SKAP1: variants seen among roughly 807,000 people sequenced by gnomAD.
SKAP1 encodes the protein src kinase associated phosphoprotein 1.
Under a neutral mutation model 58.5 loss-of-function variants are expected in SKAP1, and 44 were observed. The observed-to-expected ratio is 0.75, with a 90% confidence interval of 0.59 to 0.97. SKAP1 has a LOEUF of 0.97. Ranked by LOEUF, SKAP1 falls within the 50% of genes least tolerant of loss-of-function variation. The pLI is 0.00. For synonymous variants in SKAP1, 127 were observed against 149.7 expected (o/e 0.85, Z 1.11); for missense variants, 390 against 435.2 (o/e 0.90, Z 0.92).
At chr17:48,185,704 G>A (rs1233373683) in intron 6 of SKAP1, among the ~76,000 whole-genome samples, 1 of 152,052 alleles carries the variant, frequency 6.6e-6, no homozygotes, top group Non-Finnish European at 1.5e-5. Context: ...ATGGCAGTGC[G>A]ATGCCAATAT....
intron 4 of SKAP1, among the ~76,000 whole-genome samples, chr17:48,227,303 T>C (rs928579979): frequency 6.6e-6 from 1 of 152,190 alleles, no homozygotes; most frequent in Non-Finnish European, 1.5e-5. Flanking sequence ...CACAAAGTAG[T>C]TCTGCAATGA....
At chr17:48,176,108 A>C (rs7210671) in intron 9 of SKAP1, among the ~76,000 whole-genome samples, 24,442 of 152,192 alleles carry the variant, frequency 0.16, 2,664 homozygotes, top group African/African-American at 0.3. Flanking sequence ...AAAATTTTAA[A>C]AACTCAGTTA....
At chr17:48,337,180 G>C (rs1317875135) in intron 4 of SKAP1, among the ~76,000 whole-genome samples, 1 of 151,960 alleles carries the variant, frequency 6.6e-6, no homozygotes, top group African/African-American at 2.4e-5. Flanking sequence ...AGCTACTTAG[G>C]GCCCAACATA....
intron 4 of SKAP1, among the ~76,000 whole-genome samples, chr17:48,303,220 G>A (rs1259757443): frequency 6.6e-6 from 1 of 152,094 alleles, no homozygotes; most frequent in Non-Finnish European, 1.5e-5. Flanking sequence ...TTGCTTTCTG[G>A]TTATGCTAAG....
At chr17:48,409,867 C>T (rs1418756709) in intron 1 of SKAP1, among the ~76,000 whole-genome samples, 2 of 152,034 alleles carry the variant, frequency 1.3e-5, no homozygotes, top group Non-Finnish European at 2.9e-5. Context: ...AGCCTTAATG[C>T]CTGCAAATTT....
chr17:48,235,881 G>A (rs1448612323), intron 4 of SKAP1, among the ~76,000 whole-genome samples: 2 of 152,164 alleles, frequency 1.3e-5, no homozygotes, highest in Non-Finnish European at 2.9e-5. Context: ...TAGAAGATCT[G>A]TCTTTCCTAC....
At chr17:48,189,341 G>A in intron 5 of SKAP1, 82 bp downstream of exon 5, 1 of 1,110,056 alleles carries the variant, frequency 9.0e-7, no homozygotes, top group Non-Finnish European at 1.3e-6. Context: ...GCACAGAGAA[G>A]GCATCCAATG....
rs139055872 is a variant in SKAP1, at chr17:48,345,063, G to A, written c.280+842C>T. 1.2e-4 allele frequency among the ~76,000 whole-genome samples: 19 copies of A among 152,238 alleles called. No individual in the cohort carries two copies. The East Asian group carries it at 1.5e-3, about 12-fold the overall frequency. The stretch of plus-strand genomic sequence containing the variant: ...CTACCTTTTTAACCCTACTGGGAAG[G>A]CATGAGAGAGACTCTGATAAGAAAA... On this transcript the variant is annotated intron_variant, in intron 4 of 12. Transcript: ENST00000336915.
At chr17:48,260,787 C>T (rs535362995) in intron 4 of SKAP1, among the ~76,000 whole-genome samples, 8 of 152,226 alleles carry the variant, frequency 5.3e-5, no homozygotes, top group South Asian at 2.1e-4. Context: ...ATGACTATCT[C>T]GAATCAGCTT....
At chr17:48,359,250 T>C (rs1215132867) in intron 3 of SKAP1, among the ~76,000 whole-genome samples, 1 of 152,150 alleles carries the variant, frequency 6.6e-6, no homozygotes, top group African/African-American at 2.4e-5. Context: ...ATCTCATCTA[T>C]ATTTACCCTG....
chr17:48,165,643 G>A (rs961416870), intron 10 of SKAP1, among the ~76,000 whole-genome samples: 8 of 151,914 alleles, frequency 5.3e-5, no homozygotes, highest in East Asian at 3.9e-4. Context: ...CAGGTGATCC[G>A]CCCACCTCGG....
intron 3 of SKAP1, among the ~76,000 whole-genome samples, chr17:48,358,087 G>T (rs1650448435): frequency 6.6e-6 from 1 of 152,152 alleles, no homozygotes; most frequent in South Asian, 2.1e-4. Context: ...ACCAGTGCTT[G>T]TGTTTATAAA....
chr17:48,311,500 G>A (rs1444766905), intron 4 of SKAP1, among the ~76,000 whole-genome samples: 1 of 152,178 alleles, frequency 6.6e-6, no homozygotes, highest in Non-Finnish European at 1.5e-5. Context: ...ATAAGGGTAA[G>A]AGGTGGAGCA....
chr17:48,138,894 A>T (rs112104708), intron 11 of SKAP1, among the ~76,000 whole-genome samples: 81,365 of 149,622 alleles, frequency 0.54, 23,150 homozygotes, highest in East Asian at 0.77. Flanking sequence ...TGAAAAAAAA[A>T]TTTTTTTTTT....
chr17:48,357,786 A>G (rs577263588), intron 3 of SKAP1, among the ~76,000 whole-genome samples: 2 of 152,348 alleles, frequency 1.3e-5, no homozygotes, highest in East Asian at 3.9e-4. Flanking sequence ...TTGAAAAGGT[A>G]TCAAAATTAG....
chr17:48,383,422 G>C (rs2067241019), intron 2 of SKAP1, among the ~76,000 whole-genome samples: 1 of 151,692 alleles, frequency 6.6e-6, no homozygotes, highest in Non-Finnish European at 1.5e-5. Flanking sequence ...TCTAATGAAG[G>C]CCTTGAGAGT....
chr17:48,244,803 A>C (rs983239230), intron 4 of SKAP1, among the ~76,000 whole-genome samples: 26 of 152,226 alleles, frequency 1.7e-4, no homozygotes, highest in African/African-American at 6.3e-4. Flanking sequence ...TAATTAGTTA[A>C]AACTTATATT....
At chr17:48,330,685 C>T (rs1297051502) in intron 4 of SKAP1, among the ~76,000 whole-genome samples, 2 of 152,216 alleles carry the variant, frequency 1.3e-5, no homozygotes, top group Admixed American at 1.3e-4. Flanking sequence ...CAGCACATTT[C>T]AAGAAGCTGT....
At chr17:48,433,350 T>C (rs1334522522), upstream of SKAP1, among the ~76,000 whole-genome samples, 2 of 152,058 alleles carry the variant, frequency 1.3e-5, no homozygotes, top group Admixed American at 6.5e-5. Context: ...TCTGGAGAGG[T>C]TGGCAGTAGC....
Sources: gnomAD v4.1 joint callset for allele counts (sites outside exome capture counted in the v4.1 genomes callset) on GRCh38, gnomAD v4.1.1 for gene constraint, MANE v1.5 for transcripts, NCBI Gene and HGNC (gene_info 2026-07-23, HGNC 2026-07-21) for gene names.